Variants in PLCL1 observed in about 807,000 individuals in gnomAD.
The protein encoded by PLCL1 is inactive phospholipase C-like protein 1.
Under a neutral mutation model 84.4 loss-of-function variants are expected in PLCL1, and 41 were observed. The ratio of observed to expected loss-of-function variants is 0.49; its 90% CI spans 0.38 to 0.63. The LOEUF (loss-of-function observed/expected upper bound fraction) is 0.63. Among genes scored for constraint, PLCL1 ranks in the 30% least tolerant of loss-of-function variants. The probability of loss-of-function intolerance (pLI) is 0.00; values close to 1 mark genes in which losing one functional copy is unlikely to be tolerated. For missense variants in PLCL1, 1,206 were observed against 1,367.8 expected (o/e 0.88, Z 1.87); for synonymous variants, 490 against 488.3 (o/e 1.00, Z -0.05).
At chr2:197,815,387 AC>A (rs1690666844) in intron 1 of PLCL1, among the ~76,000 whole-genome samples, 1 of 152,316 alleles carries the variant, frequency 6.6e-6, no homozygotes, top group African/African-American at 2.4e-5. Context: ...TCAGAAAAAA[AC>A]ATTCCTTTCA....
At chr2:197,928,616 C>T (rs1688876686) in intron 1 of PLCL1, among the ~76,000 whole-genome samples, 1 of 152,050 alleles carries the variant, frequency 6.6e-6, no homozygotes, top group African/African-American at 2.4e-5. Flanking sequence ...GACTGGATCC[C>T]ACAATTCTAA....
chr2:198,109,400 A>G (rs1430792437), intron 5 of PLCL1, among the ~76,000 whole-genome samples: 1 of 151,866 alleles, frequency 6.6e-6, no homozygotes, highest in East Asian at 1.9e-4. Flanking sequence ...AAGTTCCAAC[A>G]TGAATTTTGG....
chr2:197,877,966 T>C (rs1687768164), intron 1 of PLCL1, among the ~76,000 whole-genome samples: 1 of 152,116 alleles, frequency 6.6e-6, no homozygotes, highest in African/African-American at 2.4e-5. Flanking sequence ...GAACCATTGA[T>C]TAAACCAATT....
intron 1 of PLCL1, among the ~76,000 whole-genome samples, chr2:197,820,221 G>A (rs753813884): frequency 1.3e-5 from 2 of 151,936 alleles, no homozygotes; most frequent in Admixed American, 6.6e-5. Context: ...CTGGGTTTTG[G>A]GCTTCTGACT....
At chr2:197,977,808 A>G (rs1218579721) in intron 1 of PLCL1, among the ~76,000 whole-genome samples, 4 of 152,030 alleles carry the variant, frequency 2.6e-5, no homozygotes, top group Non-Finnish European at 4.4e-5. Flanking sequence ...TTTAATTTCC[A>G]TTATTTCTAT....
chr2:198,020,586 G>A (rs1691110177), intron 1 of PLCL1, among the ~76,000 whole-genome samples: 1 of 151,754 alleles, frequency 6.6e-6, no homozygotes, highest in African/African-American at 2.4e-5. Flanking sequence ...AAAAAAAGCA[G>A]GGATTGCAAT....
intron 1 of PLCL1, among the ~76,000 whole-genome samples, chr2:197,846,042 G>A (rs1315175524): frequency 1.3e-5 from 2 of 152,002 alleles, no homozygotes; most frequent in Non-Finnish European, 1.5e-5. Flanking sequence ...GGGTCTGGTC[G>A]AACAGTCTAC....
chr2:197,866,791 CTTCCCTACCACTG>C (rs1294548396), intron 1 of PLCL1, among the ~76,000 whole-genome samples: 2 of 152,184 alleles, frequency 1.3e-5, no homozygotes. Flanking sequence ...CTCTTCCCCA[CTTCCCTACCACTG>C]TTCCCTACTT....
chr2:198,084,893 G>A lies in PLCL1; in HGVS notation c.1376G>A (p.Arg459Gln), dbSNP rs1692822547. 6.2e-6 allele frequency: 10 copies of A among 1,613,910 alleles called. No homozygotes were observed. In the East Asian group the frequency reaches 6.7e-5, roughly 11 times the overall value. Reference sequence around the variant, plus strand: ...GATAATGAACCAATCCTTTGTAATCGAAATAACATGACAACCCATGTTTCC... The same window carrying A: ...GATAATGAACCAATCCTTTGTAATCAAAATAACATGACAACCCATGTTTCC... ...GSDNEPILCN[R>Q]NNMTTHVSFR... The change falls in exon 2 of 6, where the codon CGA (arginine) becomes CAA (glutamine). Residue 459 changes from arginine (R) to glutamine (Q), a missense_variant. By Grantham distance (43) the Arg-to-Gln change is conservative. Transcript: ENST00000428675.
intron 5 of PLCL1, 88 bp downstream of exon 5, chr2:198,104,024 T>C: frequency 1.7e-6 from 1 of 605,098 alleles, no homozygotes; most frequent in East Asian, 3.2e-5. Context: ...GGATTAAATA[T>C]GATGGTTTGG....
At chr2:197,825,017 G>GTTT (rs1326295589) in intron 1 of PLCL1, among the ~76,000 whole-genome samples, 1 of 152,018 alleles carries the variant, frequency 6.6e-6, no homozygotes, top group African/African-American at 2.4e-5. Context: ...TTTTCTGCAG[G>GTTT]TTTTTTGACC....
intron 1 of PLCL1, among the ~76,000 whole-genome samples, chr2:197,871,575 G>A (rs1052746958): frequency 2.6e-5 from 4 of 152,074 alleles, no homozygotes; most frequent in African/African-American, 9.7e-5. Context: ...TCTGAAATCA[G>A]GGTGTCAGCA....
At chr2:197,898,527 C>G (rs1262355586) in intron 1 of PLCL1, among the ~76,000 whole-genome samples, 1 of 151,962 alleles carries the variant, frequency 6.6e-6, no homozygotes, top group African/African-American at 2.4e-5. Flanking sequence ...TACTCAGTCT[C>G]TTCTAGTCCA....
chr2:198,002,701 G>A (rs939850080), intron 1 of PLCL1, among the ~76,000 whole-genome samples: 2 of 152,174 alleles, frequency 1.3e-5, no homozygotes, highest in Non-Finnish European at 2.9e-5. Flanking sequence ...AAAAAGGCCA[G>A]AAAAATGTAC....
rs1247291116 is a variant in PLCL1, at chr2:197,805,752, T to C, written c.240+413T>C. Among the ~76,000 whole-genome samples, 1 of 151,944 alleles carries C rather than the reference T, an allele frequency of 6.6e-6. No individual in the cohort carries two copies. On this transcript the variant is annotated intron_variant, in intron 1 of 5. Coordinates refer to ENST00000428675, the MANE Select transcript of PLCL1 (RefSeq NM_006226.4). The surrounding 1 kb of genome is among the most constrained non-coding windows in gnomAD (Gnocchi z 4.0). Reference sequence around the variant, plus strand: ...AGAAAATGCACAGCTTACTCTCAAGTGTAAAAAAAGAATCCCTCTAGACTT... The same window carrying C: ...AGAAAATGCACAGCTTACTCTCAAGCGTAAAAAAAGAATCCCTCTAGACTT...
chr2:197,997,866 C>G (rs530468082), intron 1 of PLCL1, among the ~76,000 whole-genome samples: 53 of 152,238 alleles, frequency 3.5e-4, no homozygotes, highest in African/African-American at 1.2e-3. Context: ...TTCCCTGAGG[C>G]TGATTCATTC....
At chr2:198,018,083 G>A (rs1184764924) in intron 1 of PLCL1, among the ~76,000 whole-genome samples, 3 of 152,144 alleles carry the variant, frequency 2.0e-5, no homozygotes, top group Non-Finnish European at 4.4e-5. Flanking sequence ...CATGGAGGGC[G>A]AGCAGAAGCA....
chr2:198,124,671 C>T (rs1210041472), intron 5 of PLCL1, among the ~76,000 whole-genome samples: 1 of 152,000 alleles, frequency 6.6e-6, no homozygotes, highest in African/African-American at 2.4e-5. Context: ...TTGCTTTGGC[C>T]GGGCCCTGTG....
At chr2:198,046,424 C>A (rs535198714) in intron 1 of PLCL1, among the ~76,000 whole-genome samples, 1 of 152,146 alleles carries the variant, frequency 6.6e-6, no homozygotes, top group Non-Finnish European at 1.5e-5. Context: ...CAGCTCCCAG[C>A]GTGAGCGACG....
Sources: gnomAD v4.1 joint callset for allele counts (sites outside exome capture counted in the v4.1 genomes callset) on GRCh38, gnomAD v4.1.1 for gene constraint, Gnocchi (gnomAD v3.1) non-coding constraint, MANE v1.5 for transcripts, NCBI Gene and HGNC (gene_info 2026-07-23, HGNC 2026-07-21) for gene names.